The following DNAH12 variants were observed in gnomAD, a reference collection of about 807,000 sequenced individuals.
DNAH12 encodes the protein dynein axonemal heavy chain 12.
Under a neutral mutation model 371.5 loss-of-function variants are expected in DNAH12, and 285 were observed. That is an observed-to-expected ratio of 0.77 (90% CI 0.70 to 0.85). DNAH12 has a LOEUF of 0.85. Ranked by LOEUF, DNAH12 falls within the 40% of genes least tolerant of loss-of-function variation. The pLI is 0.00. For missense variants in DNAH12, 3,611 were observed against 3,689.4 expected (o/e 0.98, Z 0.55); for synonymous variants, 1,200 against 1,213.0 (o/e 0.99, Z 0.22).
In DNAH12 at chr3:57,502,467, T is replaced by C. The variant is rs942266638; in HGVS notation, c.1099A>G (p.Ile367Val). 20 of 1,613,998 alleles carry C rather than the reference T, an allele frequency of 1.2e-5. No individual in the cohort carries two copies. Among genetic ancestry groups the C allele is most frequent in the African/African-American group, 2.7e-5 (2 of 74,936 alleles). The change falls in exon 10 of 74, where the codon ATC (isoleucine) becomes GTC (valine). Residue 367 changes from isoleucine (I) to valine (V), a missense_variant. Coordinates refer to ENST00000495027, the MANE Select transcript of DNAH12 (RefSeq NM_001366028.2). Reference sequence around the variant, plus strand: ...GAAGTTCCTGATAGCCAAGAGGGGATTGTTTGGACATTCTAACACAAATAA... The same window carrying C: ...GAAGTTCCTGATAGCCAAGAGGGGACTGTTTGGACATTCTAACACAAATAA... The part of the protein sequence containing the change: ...IAEALQNVQT[I>V]PSWLSGTSTP...
At chr3:57,323,375 G>A (rs949403383) in intron 63 of DNAH12, 94 bp downstream of exon 63, 2 of 1,469,496 alleles carry the variant, frequency 1.4e-6, no homozygotes, top group Admixed American at 2.7e-5. Context: ...GTAAATATCA[G>A]ATTTACTAAC....
intron 58 of DNAH12, among the ~76,000 whole-genome samples, chr3:57,359,634 CTCATTACTT>C (rs2062879255): frequency 6.7e-6 from 1 of 149,444 alleles, no homozygotes; most frequent in Non-Finnish European, 1.5e-5. Flanking sequence ...AAGAGGGCAA[CTCATTACTT>C]GTAAAACTTT....
At position 57,459,706 on chromosome 3, in the gene DNAH12, C is replaced by G. The variant is rs1015676812; in HGVS notation, c.2817G>C (p.Glu939Asp). ...LKVQAQWLYL[E>D]PIFCSEDIMQ... ...TGATATCCTCAGAACAAAAGATGGG[C>G]TCTAAGTACAGCCATTGAGCTTGTA... The change falls in exon 20 of 74, where the codon GAG becomes GAC. Residue 939 changes from glutamate (E) to aspartate (D), a missense_variant. Physicochemically the swap from Glu to Asp is conservative, Grantham distance 45. Around this residue, in one of 3 missense-constraint regions of DNAH12, gnomAD observed 1,314 missense variants for 1,398.7 expected, o/e 0.94. Transcript: ENST00000495027. The G allele has an allele frequency of 6.5e-7, 1 of 1,548,176 alleles. No individual in the cohort carries two copies. Among genetic ancestry groups the G allele is most frequent in the East Asian group, 2.4e-5 (1 of 40,884 alleles).
rs1268440050 is a variant in DNAH12 at position 57,542,910 on chromosome 3, A to C, written c.-33-7T>G. The C allele has an allele frequency of 1.3e-6, 2 of 1,495,744 alleles. No individual in the cohort carries two copies. Among genetic ancestry groups the C allele is most frequent in the Non-Finnish European group, 1.8e-6 (2 of 1,126,702 alleles). The allele number at this position is 1,495,744 out of a possible 1,614,324, so 92.7% of individuals were successfully genotyped here. A position where few individuals can be genotyped will look rare whatever the true frequency, so the allele number is the denominator to read the frequency against. On this transcript the variant is annotated splice_region_variant and splice_polypyrimidine_tract_variant and intron_variant, in intron 1 of 73. Coordinates refer to ENST00000495027, the MANE Select transcript of DNAH12 (RefSeq NM_001366028.2). ...GATTAAAATACTCTGTACTCTGAGG[A>C]GAAAAAGTCCATAAAGCCATTATTA...
At chr3:57,392,825 C>T (rs2063653372) in intron 44 of DNAH12, among the ~76,000 whole-genome samples, 1 of 152,126 alleles carries the variant, frequency 6.6e-6, no homozygotes, top group Non-Finnish European at 1.5e-5. Context: ...GCTAAAGAAG[C>T]AGGAAAGCCT....
At chr3:57,325,769 C>T (rs1179471827) in intron 62 of DNAH12, among the ~76,000 whole-genome samples, 2 of 152,046 alleles carry the variant, frequency 1.3e-5, no homozygotes, top group Non-Finnish European at 2.9e-5. Context: ...AATCAAACTA[C>T]GAGCTACAGG....
intron 70 of DNAH12, chr3:57,297,386 C>T (rs1199535365): frequency 3.9e-5 from 7 of 177,446 alleles, no homozygotes; most frequent in African/African-American, 7.3e-5. Flanking sequence ...GATGAAATCG[C>T]GCACCATTAC....
intron 32 of DNAH12, among the ~76,000 whole-genome samples, chr3:57,430,900 T>C (rs1443171282): frequency 1.3e-5 from 2 of 152,218 alleles, no homozygotes; most frequent in Admixed American, 1.3e-4. Flanking sequence ...GCTAGCCATA[T>C]GTGGCTATTT....
At chr3:57,373,940 T>C (rs970248753) in intron 55 of DNAH12, among the ~76,000 whole-genome samples, 24 of 152,252 alleles carry the variant, frequency 1.6e-4, no homozygotes, top group Non-Finnish European at 2.9e-4. Context: ...AGGAGTTGTT[T>C]TGAAGCTTCC....
intron 4 of DNAH12, among the ~76,000 whole-genome samples, chr3:57,520,721 G>A (rs2068396707): frequency 6.6e-6 from 1 of 151,992 alleles, no homozygotes; most frequent in East Asian, 1.9e-4. Context: ...GATTACAGGT[G>A]TGAGCACCCG....
At chr3:57,367,519 T>A (rs1262018190) in intron 56 of DNAH12, among the ~76,000 whole-genome samples, 2 of 152,238 alleles carry the variant, frequency 1.3e-5, no homozygotes. Context: ...CTAAAATATA[T>A]GTAAATGACT....
intron 58 of DNAH12, among the ~76,000 whole-genome samples, chr3:57,363,100 A>G (rs987076503): frequency 2.4e-4 from 36 of 152,232 alleles, no homozygotes; most frequent in African/African-American, 8.7e-4. Flanking sequence ...ATGGAACAGA[A>G]CGGAGCCCTC....
At position 57,461,555 on chromosome 3, in the gene DNAH12, A is replaced by G. The variant is rs764929720; in HGVS notation, c.2670T>C (p.Asp890=). 3 of 1,551,376 alleles carry G rather than the reference A, an allele frequency of 1.9e-6. No individual in the cohort carries two copies. The highest frequency in any genetic ancestry group is 2.0e-5 in the Admixed American group (1 of 50,992). ...TCATTGTCTGAGTTTTTATAATTTG[A>G]TCATCAAGGATGGCCTGAATCTCAT... ...SVDEIQAILD[D]QIIKTQTMRG... The change falls in exon 19 of 74, where the codon GAT becomes GAC. Residue 890 remains aspartate, a synonymous_variant. Transcript: ENST00000495027.
At chr3:57,501,284 T>A in intron 11 of DNAH12, 37 bp downstream of exon 11, 1 of 1,514,238 alleles carries the variant, frequency 6.6e-7, no homozygotes, top group Non-Finnish European at 9.1e-7. Context: ...TACAAAAAAA[T>A]TCAAAACGCA....
chr3:57,503,098 A>G (rs2067616038), intron 9 of DNAH12, among the ~76,000 whole-genome samples: 1 of 152,234 alleles, frequency 6.6e-6, no homozygotes, highest in African/African-American at 2.4e-5. Flanking sequence ...CTAACATAAA[A>G]CAAGTTGGGC....
chr3:57,508,520 G>A lies in DNAH12; in HGVS notation c.563C>T (p.Pro188Leu). 1 of 1,611,254 alleles carries A rather than the reference G, an allele frequency of 6.2e-7. No homozygotes were observed. Among genetic ancestry groups the A allele is most frequent in the Non-Finnish European group, 8.5e-7 (1 of 1,179,300 alleles). Residue 188 changes from proline (P) to leucine (L), a missense_variant, in exon 7 of 74, where the codon CCT becomes CTT. Transcript: ENST00000495027. ...TGCCTGCACATAGCTAGAATGCCAA[G>A]GATTAGAATAATCTAGGCCTCTGGA... ...ESPVGLDYSN[P>L]WHSSYVQARN...
At chr3:57,467,240 T>G (rs2066230264) in intron 17 of DNAH12, among the ~76,000 whole-genome samples, 1 of 152,148 alleles carries the variant, frequency 6.6e-6, no homozygotes, top group African/African-American at 2.4e-5. Flanking sequence ...TCCCTCAGCC[T>G]CCCAAGTAGC....
At chr3:57,355,738 G>C (rs2062782907) in intron 59 of DNAH12, among the ~76,000 whole-genome samples, 1 of 151,954 alleles carries the variant, frequency 6.6e-6, no homozygotes, top group African/African-American at 2.4e-5. Flanking sequence ...TCATCATATG[G>C]GTTGTATAAA....
At chr3:57,378,616 G>C (rs1296430977) in intron 52 of DNAH12, among the ~76,000 whole-genome samples, 2 of 152,150 alleles carry the variant, frequency 1.3e-5, no homozygotes, top group African/African-American at 4.8e-5. Context: ...CAAAGCCTTT[G>C]TTGCCCTGGT....
Sources: allele counts gnomAD v4.1 joint callset (sites outside exome capture counted in the v4.1 genomes callset), GRCh38; gene constraint gnomAD v4.1.1; regional missense constraint gnomAD v4.1.1; transcripts MANE v1.5; gene names NCBI Gene and HGNC (gene_info 2026-07-23, HGNC 2026-07-21).